The following NRXN3 variants were observed in gnomAD, a reference collection of about 807,000 sequenced individuals.
NRXN3 encodes the protein neurexin III.
Under a neutral mutation model 137.6 loss-of-function variants are expected in NRXN3, and 32 were observed. That is an observed-to-expected ratio of 0.23 (90% CI 0.18 to 0.31). NRXN3 has a LOEUF of 0.31. NRXN3 is among the 10% of genes least tolerant of loss of function. The pLI is 1.00. For synonymous variants in NRXN3, 798 were observed against 784.5 expected (o/e 1.02, Z -0.29); for missense variants, 1,574 against 2,062.5 (o/e 0.76, Z 4.59).
intron 4 of NRXN3, among the ~76,000 whole-genome samples, chr14:78,342,023 G>A (rs565904427): frequency 6.6e-6 from 1 of 152,314 alleles, no homozygotes; most frequent in Admixed American, 6.5e-5. Context: ...TCATGTTACT[G>A]AAAGGTATTT....
chr14:78,482,850 G>A (rs2153741945), intron 4 of NRXN3, among the ~76,000 whole-genome samples: 2 of 152,216 alleles, frequency 1.3e-5, no homozygotes, highest in Middle Eastern at 3.4e-3. Flanking sequence ...TCCTTTTAAT[G>A]TTGTTTCTCA....
At chr14:79,296,379 A>G (rs1030729419) in intron 15 of NRXN3, among the ~76,000 whole-genome samples, 1 of 152,090 alleles carries the variant, frequency 6.6e-6, no homozygotes, top group Non-Finnish European at 1.5e-5. Flanking sequence ...TAGCAGAAAT[A>G]AACTTTATAT....
intron 15 of NRXN3, among the ~76,000 whole-genome samples, chr14:79,359,110 T>A: frequency 6.6e-6 from 1 of 152,242 alleles, no homozygotes; most frequent in Non-Finnish European, 1.5e-5. Flanking sequence ...TTTGTATTAG[T>A]TTCCATAATC....
intron 1 of NRXN3, among the ~76,000 whole-genome samples, chr14:78,207,706 C>T (rs773484926): frequency 1.4e-4 from 21 of 152,218 alleles, no homozygotes; most frequent in South Asian, 8.3e-4. Context: ...TTCCCCACCA[C>T]GTTAGTCATC....
chr14:78,282,695 C>T (rs182810168), intron 3 of NRXN3, among the ~76,000 whole-genome samples: 250 of 152,274 alleles, frequency 1.6e-3, no homozygotes, highest in Non-Finnish European at 2.6e-3. Context: ...TCTTGATCTC[C>T]GCCCCGTATT....
chr14:78,716,656 A>C (rs1192353215), intron 8 of NRXN3, among the ~76,000 whole-genome samples: 1 of 152,210 alleles, frequency 6.6e-6, no homozygotes, highest in African/African-American at 2.4e-5. Context: ...CCAGGTCTAG[A>C]ACAAGGGCTG....
chr14:78,875,252 C>T (rs983653801), intron 10 of NRXN3, among the ~76,000 whole-genome samples: 6 of 152,180 alleles, frequency 3.9e-5, no homozygotes, highest in African/African-American at 1.4e-4. Context: ...GTGTGACCAG[C>T]TGGGACAGGA....
intron 4 of NRXN3, among the ~76,000 whole-genome samples, chr14:78,350,304 A>T (rs761758252): frequency 6.8e-6 from 1 of 147,594 alleles, no homozygotes; most frequent in Non-Finnish European, 1.5e-5. Context: ...AAAAAAAAAA[A>T]TTGTTAGAAA....
chr14:78,179,852 T>C (rs1224520493), intron 1 of NRXN3, among the ~76,000 whole-genome samples: 2 of 149,738 alleles, frequency 1.3e-5, no homozygotes, highest in South Asian at 4.3e-4. Context: ...GTTTTTTTTT[T>C]TTTCTTGTTT....
intron 15 of NRXN3, among the ~76,000 whole-genome samples, chr14:79,240,156 A>C (rs1482411396): frequency 6.6e-6 from 1 of 151,952 alleles, no homozygotes; most frequent in Non-Finnish European, 1.5e-5. Context: ...TACCATACAA[A>C]TATATATATA....
In NRXN3 at chr14:79,356,948, G is replaced by A. The variant is rs184183788; in HGVS notation, c.3263-110273G>A. On this transcript the variant is annotated intron_variant, in intron 15 of 20. Coordinates refer to ENST00000335750, the MANE Select transcript of NRXN3 (RefSeq NM_001330195.2). ...TTCACTTTGTGGCGAGGCTGGTCTC[G>A]AACTCCTCACCTCAAGTGATCTGCC... Among the ~76,000 whole-genome samples the A allele has an allele frequency of 3.2e-3, 482 of 152,134 alleles. 2 individuals are homozygous for A. The highest frequency in any genetic ancestry group is 5.7e-3 in the Non-Finnish European group (385 of 67,986).
At chr14:78,178,691 A>G (rs1259949462) in intron 1 of NRXN3, among the ~76,000 whole-genome samples, 1 of 152,050 alleles carries the variant, frequency 6.6e-6, no homozygotes, top group African/African-American at 2.4e-5. Flanking sequence ...ATGCTCTGCT[A>G]TTTTTCACTT....
At chr14:79,671,362 T>G (rs1249916233) in intron 17 of NRXN3, among the ~76,000 whole-genome samples, 2 of 152,102 alleles carry the variant, frequency 1.3e-5, no homozygotes, top group Non-Finnish European at 2.9e-5. Context: ...CAATTTAGAA[T>G]TTTTCTCTCA....
chr14:79,296,753 T>G (rs1320230743), intron 15 of NRXN3, among the ~76,000 whole-genome samples: 1 of 152,196 alleles, frequency 6.6e-6, no homozygotes, highest in Non-Finnish European at 1.5e-5. Flanking sequence ...TGGTGCTGTA[T>G]CTTTTCAAAA....
chr14:78,500,031 A>C (rs1213989071), intron 4 of NRXN3, among the ~76,000 whole-genome samples: 1 of 152,194 alleles, frequency 6.6e-6, no homozygotes, highest in African/African-American at 2.4e-5. Context: ...TAAGGATGTG[A>C]TACCAGGAGG....
intron 4 of NRXN3, among the ~76,000 whole-genome samples, chr14:78,313,219 A>G (rs1002280581): frequency 2.6e-5 from 4 of 152,190 alleles, no homozygotes; most frequent in African/African-American, 9.7e-5. Context: ...TCTCTCTTGC[A>G]TGCCTTATGC....
chr14:79,464,655 G>T (rs2096398418), intron 15 of NRXN3, among the ~76,000 whole-genome samples: 1 of 152,104 alleles, frequency 6.6e-6, no homozygotes, highest in South Asian at 2.1e-4. Flanking sequence ...CTGATAAAAA[G>T]ATGTGAAAAG....
At chr14:79,714,560 T>A (rs2098817104) in intron 19 of NRXN3, among the ~76,000 whole-genome samples, 1 of 146,580 alleles carries the variant, frequency 6.8e-6, no homozygotes, top group African/African-American at 2.8e-5. Flanking sequence ...GAGATTCTTG[T>A]TTTTTTTAAT....
chr14:78,432,272 C>T (rs1020642948), intron 4 of NRXN3, among the ~76,000 whole-genome samples: 5 of 151,714 alleles, frequency 3.3e-5, no homozygotes, highest in African/African-American at 1.2e-4. Context: ...TATGGCTTGC[C>T]AGACCCATCT....
Sources: gnomAD v4.1 joint callset for allele counts (sites outside exome capture counted in the v4.1 genomes callset) on GRCh38, gnomAD v4.1.1 for gene constraint, MANE v1.5 for transcripts, NCBI Gene and HGNC (gene_info 2026-07-23, HGNC 2026-07-21) for gene names.